TRIM63: variants seen among roughly 807,000 people sequenced by gnomAD.
The protein encoded by TRIM63 is tripartite motif containing 63.
Under a neutral mutation model 46.0 loss-of-function variants are expected in TRIM63, and 48 were observed. That is an observed-to-expected ratio of 1.04 (90% confidence interval 0.83 to 1.33). The LOEUF (loss-of-function observed/expected upper bound fraction) is 1.33. Ranked by LOEUF, TRIM63 falls within the 40% of genes most tolerant of loss-of-function variation. The pLI, the probability that TRIM63 is intolerant of heterozygous loss-of-function variation, is 0.00. For synonymous variants in TRIM63, 175 were observed against 162.8 expected, an observed-to-expected ratio of 1.08 and a Z score of -0.57; for missense variants, 455 against 441.2, an observed-to-expected ratio of 1.03 and a Z score of -0.28.
Position 26,051,705 on chromosome 1 carries a change from G to C in TRIM63, c.*168C>G, listed in dbSNP as rs1055196644. ...AGTGTCTGCTGGACGCAGCGGTGAG[G>C]GTCCTACCCTAGTCCCTGCTCTCTG... is the stretch of plus-strand genomic sequence containing the variant. On this transcript the variant is annotated 3_prime_UTR_variant, in exon 9 of 9. Coordinates refer to ENST00000374272, the MANE Select transcript of TRIM63 (RefSeq NM_032588.4). 7.2e-5 allele frequency: 32 copies of C among 443,446 alleles called. No homozygotes were observed. The highest frequency in any genetic ancestry group is 1.1e-4 in the Non-Finnish European group (29 of 254,716). 27.5% of individuals were successfully genotyped at this position (443,446 alleles called of 1,614,324 possible).
chr1:26,063,729 A>T (rs552290078), intron 2 of TRIM63, among the ~76,000 whole-genome samples: 3 of 152,374 alleles, frequency 2.0e-5, no homozygotes, highest in African/African-American at 7.2e-5. Context: ...TTCCTCCCAG[A>T]ACTACTGCAA....
chr1:26,064,877 C>T (rs1291150824), intron 2 of TRIM63, among the ~76,000 whole-genome samples: 2 of 152,210 alleles, frequency 1.3e-5, no homozygotes, highest in East Asian at 3.9e-4. Context: ...CTGGGCACTG[C>T]CTGCAGGCAG....
At chr1:26,065,370 G>C (rs2050666899) in intron 2 of TRIM63, among the ~76,000 whole-genome samples, 1 of 151,998 alleles carries the variant, frequency 6.6e-6, no homozygotes, top group African/African-American at 2.4e-5. Context: ...TGTCACCCAG[G>C]CTGGAGTGCA....
At position 26,060,192 on chromosome 1, in the gene TRIM63, G is replaced by T. The variant is rs1464918644; in HGVS notation, c.597+74C>A. 7 of 1,398,050 alleles carry T rather than the reference G, an allele frequency of 5.0e-6. No individual in the cohort carries two copies. In the Admixed American group the frequency reaches 6.8e-5, roughly 14 times the overall value. 86.6% of individuals were successfully genotyped at this position (1,398,050 alleles called of 1,614,324 possible). A position where few individuals can be genotyped will look rare whatever the true frequency, so the allele number is the denominator to read the frequency against. ...CCCCAACCTTTAGCCACAACCTATGGGTGAGCCTTCCCCAGAGACCAGGCT... is the reference window on the plus strand; with the variant it reads ...CCCCAACCTTTAGCCACAACCTATGTGTGAGCCTTCCCCAGAGACCAGGCT... On this transcript the variant is annotated intron_variant, in intron 4 of 8. Transcript: ENST00000374272.
Position 26,053,955 on chromosome 1 carries a change from TC to T in TRIM63, c.988del (p.Glu330ArgfsTer30). On this transcript the variant is annotated frameshift_variant, in exon 8 of 9. Transcript: ENST00000374272. LOFTEE classifies it high-confidence loss of function. The part of the protein sequence containing the change: ...RAIDFGTDEE[E>X]EEFIEEEDQE... ...ATCTTCTTCTTCAATGAATTCTTCC[TC>T]TTCCTCATCTGTGACAAAAAAACAT... 6.3e-7 allele frequency: 1 copy of T among 1,584,834 alleles called. No individual in the cohort carries two copies. The highest frequency in any genetic ancestry group is 8.5e-7 in the Non-Finnish European group (1 of 1,170,764).
In TRIM63 at chr1:26,062,901, G is replaced by A. The variant is rs150724728; in HGVS notation, c.333-1567C>T. On this transcript the variant is annotated intron_variant, in intron 2 of 8. Coordinates refer to ENST00000374272, the MANE Select transcript of TRIM63 (RefSeq NM_032588.4). ...CTCCTGAGTAGCTGAGATTACAGAC[G>A]TGCACCACCATGCCCAGCTAATTTT... Among the ~76,000 whole-genome samples, 370 of 151,948 alleles carry A rather than the reference G, an allele frequency of 2.4e-3. 1 individual carries two copies. The highest frequency in any genetic ancestry group is 8.4e-3 in the African/African-American group (349 of 41,436).
At position 26,066,370 on chromosome 1, in the gene TRIM63, G is replaced by T; in HGVS notation, c.230C>A (p.Thr77Asn). Reference sequence around the variant, plus strand: ...ATCCATGATCACCTCGTGGCGGCAGGTGGGGCAGCGGAAACGGCCTCCAGA... The same window carrying T: ...ATCCATGATCACCTCGTGGCGGCAGTTGGGGCAGCGGAAACGGCCTCCAGA... The part of the protein sequence containing the change: ...SMSGGRFRCP[T>N]CRHEVIMDRH... The change falls in exon 2 of 9, where the codon ACC (threonine) becomes AAC (asparagine). Residue 77 changes from threonine (T) to asparagine (N), a missense_variant. Physicochemically the swap from Thr to Asn is moderately conservative, Grantham distance 65. Coordinates refer to ENST00000374272, the MANE Select transcript of TRIM63 (RefSeq NM_032588.4). The T allele has an allele frequency of 6.2e-7, 1 of 1,613,800 alleles. No individual in the cohort carries two copies. Among genetic ancestry groups the T allele is most frequent in the Non-Finnish European group, 8.5e-7 (1 of 1,179,776 alleles).
intron 1 of TRIM63, among the ~76,000 whole-genome samples, chr1:26,067,014 G>A (rs61775418): frequency 0.081 from 12,356 of 152,046 alleles, 714 homozygotes; most frequent in Middle Eastern, 0.15. Flanking sequence ...CCAGGGGTCT[G>A]GTTTCTCTCT....
chr1:26,061,604 G>C (rs1443070373), intron 2 of TRIM63, among the ~76,000 whole-genome samples: 1 of 152,216 alleles, frequency 6.6e-6, no homozygotes, highest in African/African-American at 2.4e-5. Flanking sequence ...GAGGGAGTTA[G>C]CCTGAGGCTC....
Position 26,060,303 on chromosome 1 carries a change from A to T in TRIM63, c.560T>A (p.Ile187Asn). Reference protein sequence around the residue: ...LVAGNDRVQTIITQLEDSRRV... With the variant: ...LVAGNDRVQTNITQLEDSRRV... ...ACGGGAATCCTCCAGCTGAGTGATG[A>T]TGGTCTGCACACGGTCATTCCCCGC... is the stretch of plus-strand genomic sequence containing the variant. The change falls in exon 4 of 9, where the codon ATC becomes AAC. Residue 187 changes from isoleucine to asparagine, a missense_variant. Transcript: ENST00000374272. The T allele has an allele frequency of 6.2e-7, 1 of 1,614,044 alleles. No homozygotes were observed. The highest frequency in any genetic ancestry group is 8.5e-7 in the Non-Finnish European group (1 of 1,179,982).
At chr1:26,056,383 T>C (rs932425505) in intron 7 of TRIM63, among the ~76,000 whole-genome samples, 16 of 152,166 alleles carry the variant, frequency 1.1e-4, no homozygotes, top group Admixed American at 1.0e-3. Flanking sequence ...GGTGATAGCA[T>C]TAAGAAACTG....
rs1384023898 is a variant in TRIM63, at chr1:26,060,254, C to CT, written c.597+11dup. ...CTCCAAATCCCCAGGCAGGACTATT[C>CT]TGTCCGCTCACCTTGGTCACTCGAC... On this transcript the variant is annotated intron_variant, in intron 4 of 8. Coordinates refer to ENST00000374272, the MANE Select transcript of TRIM63 (RefSeq NM_032588.4). 1 of 1,612,010 alleles carries CT rather than the reference C, an allele frequency of 6.2e-7. No individual in the cohort carries two copies.
chr1:26,067,308 C>T (rs2050687201), intron 1 of TRIM63, 28 bp downstream of exon 1: 1 of 1,611,414 alleles, frequency 6.2e-7, no homozygotes, highest in Non-Finnish European at 8.5e-7. Context: ...ACCTGGGGAC[C>T]CCAAATGAAG....
Position 26,051,879 on chromosome 1 carries a change from G to GC in TRIM63, c.1055_1056insG (p.His352GlnfsTer58). 1.5e-6 allele frequency: 2 copies of GC among 1,325,640 alleles called. No homozygotes were observed. The highest frequency in any genetic ancestry group is 1.9e-6 in the Non-Finnish European group (2 of 1,029,908). 82.1% of individuals were successfully genotyped at this position (1,325,640 alleles called of 1,614,324 possible). On this transcript the variant is annotated frameshift_variant, in exon 9 of 9. Coordinates refer to ENST00000374272, the MANE Select transcript of TRIM63 (RefSeq NM_032588.4). LOFTEE classifies it high-confidence loss of function. The stretch of plus-strand genomic sequence containing the variant: ...CTCTCATTCATCCAGCTCCTTACTG[G>GC]TGTCCTGAAATGAAGAAAAAGATAC...
At position 26,058,407 on chromosome 1, in the gene TRIM63, C is replaced by T. The variant is rs548061253; in HGVS notation, c.814G>A (p.Gly272Arg). 6.2e-6 allele frequency: 10 copies of T among 1,614,054 alleles called. No homozygotes were observed. Among genetic ancestry groups the T allele is most frequent in the East Asian group, 2.2e-5 (1 of 44,880 alleles). ...CTGCTCACCAAGAGGAAGGTGGCTC[C>T]CCCAGGCTCGTCCAGGGACTGGATG... Reference protein sequence around the residue: ...TAIQSLDEPGGATFLLTAKQL... With the variant: ...TAIQSLDEPGRATFLLTAKQL... Residue 272 changes from glycine (G) to arginine (R), a missense_variant, in exon 5 of 9, where the codon GGA becomes AGA. Physicochemically the swap from Gly to Arg is moderately radical, Grantham distance 125. Transcript: ENST00000374272.
Position 26,061,330 on chromosome 1 carries a change from G to C in TRIM63, c.337C>G (p.Pro113Ala), listed in dbSNP as rs772206327. The change falls in exon 3 of 9, where the codon CCG becomes GCG. Residue 113 changes from proline to alanine, a missense_variant. Coordinates refer to ENST00000374272, the MANE Select transcript of TRIM63 (RefSeq NM_032588.4). The part of the protein sequence containing the change: ...DIYKQECSSR[P>A]LQKGSHPMCK... ...ATGGGGTGACTGCCCTTCTGCAGCG[G>C]CCGACTGCAGTGGAGAACAGTCACA... 4.3e-6 allele frequency: 7 copies of C among 1,613,814 alleles called. No homozygotes were observed. In the East Asian group the frequency reaches 1.3e-4, roughly 31 times the overall value.
Position 26,058,506 on chromosome 1 carries a change from G to C in TRIM63, c.715C>G (p.Leu239Val). Residue 239 changes from leucine (L) to valine (V), a missense_variant, in exon 5 of 9, where the codon CTT becomes GTT. Leu to Val is a conservative substitution (Grantham distance 32). Transcript: ENST00000374272. The part of the protein sequence containing the change: ...QRITQEQEKK[L>V]SFIEALIQQY... Reference sequence around the variant, plus strand: ...TGGATGAGGGCCTCGATGAAGCTAAGCTTTTTCTCCTGCTCCTGCGTGATC... The same window carrying C: ...TGGATGAGGGCCTCGATGAAGCTAACCTTTTTCTCCTGCTCCTGCGTGATC... The C allele has an allele frequency of 6.2e-7, 1 of 1,614,192 alleles. No individual in the cohort carries two copies. Among genetic ancestry groups the C allele is most frequent in the Admixed American group, 1.7e-5 (1 of 60,024 alleles).
intron 5 of TRIM63, among the ~76,000 whole-genome samples, chr1:26,058,010 C>A (rs2050588346): frequency 6.6e-6 from 1 of 152,194 alleles, no homozygotes; most frequent in Admixed American, 6.5e-5. Flanking sequence ...TTGAACTGAA[C>A]TATGAAGTCT....
At chr1:26,059,169 T>C (rs3008425) in intron 4 of TRIM63, among the ~76,000 whole-genome samples, 37,107 of 151,654 alleles carry the variant, frequency 0.24, 5,142 homozygotes, top group African/African-American at 0.38. Context: ...GGATTATAGA[T>C]ACGCTACCAC....
Sources: allele counts gnomAD v4.1 joint callset (sites outside exome capture counted in the v4.1 genomes callset), GRCh38; gene constraint gnomAD v4.1.1; transcripts MANE v1.5; gene names NCBI Gene and HGNC (gene_info 2026-07-23, HGNC 2026-07-21).